Variants in WBP11 observed in about 807,000 individuals in gnomAD.
WBP11 encodes WW domain-binding protein 11.
Under a neutral mutation model 66.7 loss-of-function variants are expected in WBP11, and 12 were observed. That is an observed-to-expected ratio of 0.18 (90% CI 0.12 to 0.29). The LOEUF is 0.29. WBP11 is among the 10% of genes least tolerant of loss of function. The pLI, the probability that WBP11 is intolerant of heterozygous loss-of-function variation, is 1.00. For missense variants in WBP11, 555 were observed against 818.3 expected (o/e 0.68, Z 3.93); for synonymous variants, 255 against 273.8 (o/e 0.93, Z 0.68).
rs1949890552 is a variant in WBP11, at chr12:14,796,002, G to A, written c.387+805C>T. ...ACAAATTCAGTAAGTTTTGACAAATGCATATACCTCATACTCCTTCCCAAT... is the reference window on the plus strand; with the variant it reads ...ACAAATTCAGTAAGTTTTGACAAATACATATACCTCATACTCCTTCCCAAT... On this transcript the variant is annotated intron_variant, in intron 5 of 11. Transcript: ENST00000261167. This position sits in a 1 kb window ranked among gnomAD's most constrained non-coding sequence, Gnocchi z 4.5. Among the ~76,000 whole-genome samples, 2 of 151,986 alleles carry A rather than the reference G, an allele frequency of 1.3e-5. No homozygotes were observed. Among genetic ancestry groups the A allele is most frequent in the African/African-American group, 4.8e-5 (2 of 41,378 alleles).
chr12:14,793,007 C>G (rs1949839298), intron 8 of WBP11, among the ~76,000 whole-genome samples: 1 of 152,098 alleles, frequency 6.6e-6, no homozygotes, highest in African/African-American at 2.4e-5. Context: ...ATTACCAGCT[C>G]TATCATTTTT....
intron 2 of WBP11, 108 bp from the exon 3 acceptor site, chr12:14,800,891 C>T (rs1234496363): frequency 4.3e-6 from 4 of 934,754 alleles, no homozygotes; most frequent in Middle Eastern, 3.3e-4. Context: ...ACAGTATGCA[C>T]TGTAAAAGAG....
intron 10 of WBP11, among the ~76,000 whole-genome samples, chr12:14,790,096 T>G (rs113415013): frequency 3.3e-5 from 5 of 152,218 alleles, no homozygotes; most frequent in Admixed American, 3.3e-4. Flanking sequence ...CACAAGACAT[T>G]ATTAACTGTG....
chr12:14,792,345 T>C (rs1949830213), intron 8 of WBP11, among the ~76,000 whole-genome samples: 1 of 152,184 alleles, frequency 6.6e-6, no homozygotes, highest in Admixed American at 6.5e-5. Context: ...AGACACTGGA[T>C]AGGAGTATTT....
chr12:14,801,265 AT>A (rs1411445130), intron 2 of WBP11, 54 bp downstream of exon 2: 5 of 1,559,862 alleles, frequency 3.2e-6, no homozygotes, highest in Non-Finnish European at 4.4e-6. Flanking sequence ...ATTCCCTAAT[AT>A]TTGCAATTTT....
At chr12:14,795,638 G>A (rs1381667208) in intron 5 of WBP11, among the ~76,000 whole-genome samples, 1 of 152,176 alleles carries the variant, frequency 6.6e-6, no homozygotes, top group African/African-American at 2.4e-5. Context: ...GCTGAGGGAG[G>A]AGAATTGCTT....
In WBP11 at chr12:14,786,471, G is replaced by C. The variant is rs574728364; in HGVS notation, c.*594C>G. The C allele has an allele frequency of 2.0e-5, 3 of 152,344 alleles. No individual in the cohort carries two copies. The highest frequency in any genetic ancestry group is 7.2e-5 in the African/African-American group (3 of 41,556). 9.4% of individuals were successfully genotyped at this position (152,344 alleles called of 1,614,324 possible). A position where few individuals can be genotyped will look rare whatever the true frequency, so the allele number is the denominator to read the frequency against. ...ATGTTTACATATTATCAGTAACACA[G>C]AGTATCTTGGTGTAGAACATTTATT... is the stretch of plus-strand genomic sequence containing the variant. On this transcript the variant is annotated 3_prime_UTR_variant, in exon 12 of 12. Transcript: ENST00000261167.
At position 14,793,898 on chromosome 12, in the gene WBP11, ACAT is replaced by A. The variant is rs1342392366; in HGVS notation, c.743_745del (p.Asp248del). 2.1e-5 allele frequency: 34 copies of A among 1,612,494 alleles called. No individual in the cohort carries two copies. The highest frequency in any genetic ancestry group is 2.5e-5 in the Non-Finnish European group (29 of 1,179,200). On this transcript the variant is annotated inframe_deletion, in exon 8 of 12. Coordinates refer to ENST00000261167, the MANE Select transcript of WBP11 (RefSeq NM_016312.3). ...GCCATCATCTTCACTGGTGCTAGAA[ACAT>A]CATCATCATGACCTCGCTGGGCTGA...
chr12:14,787,343 T>C lies in WBP11; in HGVS notation c.1648A>G (p.Ser550Gly), dbSNP rs748502590. Residue 550 changes from serine to glycine, a missense_variant, in exon 12 of 12, where the codon AGT (serine) becomes GGT (glycine). Ser to Gly is a moderately conservative substitution (Grantham distance 56, BLOSUM62 0). Coordinates refer to ENST00000261167, the MANE Select transcript of WBP11 (RefSeq NM_016312.3). ...GCTTTCTTCTCAATGGTGGCTGCAC[T>C]TGTATCATCCGCCTTGGGTCGCTGA... The part of the protein sequence containing the change: ...LIQRPKADDT[S>G]AATIEKKATA... 4.3e-6 allele frequency: 7 copies of C among 1,613,424 alleles called. No homozygotes were observed. Among genetic ancestry groups the C allele is most frequent in the Non-Finnish European group, 5.9e-6 (7 of 1,179,386 alleles).
Position 14,794,555 on chromosome 12 carries a change from A to G in WBP11, c.703T>C (p.Leu235=), listed in dbSNP as rs187806725. The change falls in exon 7 of 12, where the codon TTA becomes CTA. Residue 235 remains leucine, a synonymous_variant. Coordinates refer to ENST00000261167, the MANE Select transcript of WBP11 (RefSeq NM_016312.3). ...LPPRRRDEDM[L]YSPELAQRGH... ...TTCTCACCAAGTTCAGGACTATATA[A>G]CATGTCTTCATCTCGCCTACGAGGG... 6.6e-4 allele frequency: 1,068 copies of G among 1,613,940 alleles called. 6 individuals are homozygous for G. The highest frequency in any genetic ancestry group is 1.0e-4 in the Non-Finnish European group (121 of 1,180,016).
intron 11 of WBP11, among the ~76,000 whole-genome samples, chr12:14,787,721 C>A (rs572419812): frequency 2.8e-4 from 43 of 152,270 alleles, no homozygotes; most frequent in African/African-American, 9.6e-4. Flanking sequence ...ATTATGTTCT[C>A]TTCTTCTCTA....
chr12:14,791,096 T>C, intron 9 of WBP11, 73 bp downstream of exon 9: 1 of 1,437,810 alleles, frequency 7.0e-7, no homozygotes, highest in Non-Finnish European at 9.6e-7. Flanking sequence ...AGATACTAAA[T>C]GGAAAAACGT....
At position 14,790,613 on chromosome 12, in the gene WBP11, G is replaced by A. The variant is rs1463186865; in HGVS notation, c.1152C>T (p.Ser384=). The change falls in exon 10 of 12, where the codon TCC becomes TCT. Residue 384 remains serine, a synonymous_variant. Transcript: ENST00000261167. ...GAGCCTGCTGCTGTGAAGAAGCAGT[G>A]GATGTGCCATCAGAATGGGATTCCT... ...HKEESHSDGT[S]TASSQQQAPP... 1.9e-6 allele frequency: 3 copies of A among 1,614,048 alleles called. No individual in the cohort carries two copies. Among genetic ancestry groups the A allele is most frequent in the Non-Finnish European group, 2.5e-6 (3 of 1,179,928 alleles).
intron 5 of WBP11, among the ~76,000 whole-genome samples, chr12:14,795,866 A>G (rs1949888242): frequency 6.6e-6 from 1 of 152,246 alleles, no homozygotes; most frequent in Admixed American, 6.5e-5. Flanking sequence ...TTGACTAAGC[A>G]AGGTAACCTG....
At chr12:14,789,428 C>T (rs1157346327) in intron 10 of WBP11, among the ~76,000 whole-genome samples, 1 of 151,436 alleles carries the variant, frequency 6.6e-6, no homozygotes, top group Non-Finnish European at 1.5e-5. Context: ...ACTAAAAATA[C>T]ATAAAAATTA....
chr12:14,802,980 T>G (rs1351878098), intron 1 of WBP11, among the ~76,000 whole-genome samples: 1 of 152,196 alleles, frequency 6.6e-6, no homozygotes, highest in Non-Finnish European at 1.5e-5. Context: ...AAATAAGCGT[T>G]GGATAACTCT....
At chr12:14,792,570 T>C (rs562339683) in intron 8 of WBP11, among the ~76,000 whole-genome samples, 115 of 131,470 alleles carry the variant, frequency 8.7e-4, no homozygotes, top group Middle Eastern at 8.3e-3. Context: ...TGGTGGCTCA[T>C]GCCTGTATTC....
chr12:14,785,989 A>G lies in WBP11; in HGVS notation c.*1076T>C, dbSNP rs1404390624. 6.6e-6 allele frequency: 1 copy of G among 152,238 alleles called. No homozygotes were observed. Among genetic ancestry groups the G allele is most frequent in the Non-Finnish European group, 1.5e-5 (1 of 68,036 alleles). The allele number at this position is 152,238 out of a possible 1,614,324, so 9.4% of individuals were successfully genotyped here. A position where few individuals can be genotyped will look rare whatever the true frequency, so the allele number is the denominator to read the frequency against. On this transcript the variant is annotated 3_prime_UTR_variant, in exon 12 of 12. Transcript: ENST00000261167. ...AGTCTAAATTGGTAGATGAGTTTACATTAAAGCACTTTGTAAAGAAAATGG... is the reference window on the plus strand; with the variant it reads ...AGTCTAAATTGGTAGATGAGTTTACGTTAAAGCACTTTGTAAAGAAAATGG...
chr12:14,787,592 A>T lies in WBP11; in HGVS notation c.1493-94T>A, dbSNP rs1252088038. 4 of 1,127,602 alleles carry T rather than the reference A, an allele frequency of 3.5e-6. No homozygotes were observed. The East Asian group carries it at 9.0e-5, about 25-fold the overall frequency. The allele number at this position is 1,127,602 out of a possible 1,614,324, so 69.8% of individuals were successfully genotyped here. A position where few individuals can be genotyped will look rare whatever the true frequency, so the allele number is the denominator to read the frequency against. ...TTAAATATTGGTTGCCAATTTTTAA[A>T]TAAATGGATAACAACTTACAGAAAA... On this transcript the variant is annotated intron_variant, in intron 11 of 11. Transcript: ENST00000261167.
Sources: allele counts gnomAD v4.1 joint callset (sites outside exome capture counted in the v4.1 genomes callset), GRCh38; gene constraint gnomAD v4.1.1; non-coding constraint Gnocchi (gnomAD v3.1); transcripts MANE v1.5; gene names NCBI Gene and HGNC (gene_info 2026-07-23, HGNC 2026-07-21).